The following RETREG1 variants were observed in gnomAD, a reference collection of about 807,000 sequenced individuals.
RETREG1 encodes the protein reticulophagy regulator 1.
RETREG1 carries 44 observed loss-of-function variants against 54.8 expected under a neutral mutation model. The ratio of observed to expected loss-of-function variants is 0.80; its 90% CI spans 0.63 to 1.03. The LOEUF is 1.03. Ranked by LOEUF, RETREG1 falls within the 50% of genes least tolerant of loss-of-function variation. The probability of loss-of-function intolerance (pLI) is 0.00; values close to 1 mark genes in which losing one functional copy is unlikely to be tolerated. For missense variants in RETREG1, 554 were observed against 605.1 expected (o/e 0.92, Z 0.89); for synonymous variants, 217 against 238.5 (o/e 0.91, Z 0.83).
chr5:16,522,069 A>T (rs766033868), intron 3 of RETREG1, among the ~76,000 whole-genome samples: 28 of 149,442 alleles, frequency 1.9e-4, no homozygotes, highest in Middle Eastern at 3.2e-3. Context: ...TCAGACACTG[A>T]AAGGACTTCT....
intron 1 of RETREG1, among the ~76,000 whole-genome samples, chr5:16,590,855 A>C (rs146338220): frequency 1.5e-5 from 2 of 136,978 alleles, no homozygotes; most frequent in African/African-American, 2.7e-5. Context: ...TGCACACACA[A>C]AAAACACACA....
intron 4 of RETREG1, 151 bp downstream of exon 4, chr5:16,483,195 T>G: frequency 2.3e-6 from 2 of 858,726 alleles, no homozygotes; most frequent in Non-Finnish European, 3.8e-6. Context: ...CTCACACATC[T>G]GAACCTTGCT....
chr5:16,552,014 A>G (rs1741557204), intron 3 of RETREG1, among the ~76,000 whole-genome samples: 1 of 151,954 alleles, frequency 6.6e-6, no homozygotes, highest in Non-Finnish European at 1.5e-5. Context: ...CCACCTGGAT[A>G]CTCCAGGATC....
intron 3 of RETREG1, among the ~76,000 whole-genome samples, chr5:16,524,738 G>A (rs573789172): frequency 6.6e-6 from 1 of 152,232 alleles, no homozygotes; most frequent in Non-Finnish European, 1.5e-5. Context: ...TTCCCAAGCA[G>A]TTAAAATCTA....
intron 1 of RETREG1, among the ~76,000 whole-genome samples, chr5:16,590,292 C>T (rs1742728966): frequency 6.6e-6 from 1 of 152,138 alleles, no homozygotes; most frequent in Admixed American, 6.5e-5. Context: ...CACCTTGACA[C>T]ACGACAGCAG....
At chr5:16,613,600 T>C (rs1371836778) in intron 1 of RETREG1, among the ~76,000 whole-genome samples, 1 of 152,238 alleles carries the variant, frequency 6.6e-6, no homozygotes, top group Non-Finnish European at 1.5e-5. Context: ...TTCAGACTCC[T>C]AAAACCCACT....
intron 8 of RETREG1, among the ~76,000 whole-genome samples, chr5:16,477,041 T>C (rs1221544672): frequency 6.6e-6 from 1 of 152,176 alleles, no homozygotes; most frequent in Non-Finnish European, 1.5e-5. Context: ...TAGGCCTAAA[T>C]GTGTAGGATT....
chr5:16,541,516 GTC>G (rs1215785308), intron 3 of RETREG1, among the ~76,000 whole-genome samples: 1 of 152,050 alleles, frequency 6.6e-6, no homozygotes, highest in Non-Finnish European at 1.5e-5. Flanking sequence ...GTGAAACCCT[GTC>G]TCTACTAAAA....
At chr5:16,567,774 C>G (rs1419319998) in intron 2 of RETREG1, among the ~76,000 whole-genome samples, 1 of 152,010 alleles carries the variant, frequency 6.6e-6, no homozygotes, top group East Asian at 1.9e-4. Flanking sequence ...CTGGGTAACA[C>G]AGCAAGACCC....
chr5:16,525,721 G>A (rs995929172), intron 3 of RETREG1, among the ~76,000 whole-genome samples: 1 of 151,778 alleles, frequency 6.6e-6, no homozygotes, highest in Non-Finnish European at 1.5e-5. Flanking sequence ...ATTAGTCAGG[G>A]TTCTTTGGGA....
At chr5:16,566,365 T>C (rs374285390) in intron 2 of RETREG1, among the ~76,000 whole-genome samples, 1 of 132,484 alleles carries the variant, frequency 7.5e-6, no homozygotes, top group African/African-American at 2.7e-5. Flanking sequence ...ATATAAAACA[T>C]AAAATACACA....
intron 3 of RETREG1, among the ~76,000 whole-genome samples, chr5:16,544,631 C>T (rs757270673): frequency 6.5e-4 from 99 of 152,186 alleles, no homozygotes; most frequent in Admixed American, 6.4e-3. Context: ...CATATTTTTG[C>T]ATACGGGTAT....
chr5:16,533,191 C>A (rs1045112737), intron 3 of RETREG1, among the ~76,000 whole-genome samples: 1 of 152,080 alleles, frequency 6.6e-6, no homozygotes, highest in African/African-American at 2.4e-5. Flanking sequence ...ACTACAGGCA[C>A]CCGCCACCAC....
At position 16,489,450 on chromosome 5, in the gene RETREG1, C is replaced by T. The variant is rs1188188627; in HGVS notation, c.459-5978G>A. Among the ~76,000 whole-genome samples, 7 of 152,288 alleles carry T rather than the reference C, an allele frequency of 4.6e-5. No homozygotes were observed. In the East Asian group the frequency reaches 1.4e-3, roughly 29 times the overall value. On this transcript the variant is annotated intron_variant, in intron 3 of 8. Coordinates refer to ENST00000306320, the MANE Select transcript of RETREG1 (RefSeq NM_001034850.3). Reference sequence around the variant, plus strand: ...TTCTGTAAGACTAAGAAATAGGACACTCTTGTGCTCTTTAAAAATAGATTG... The same window carrying T: ...TTCTGTAAGACTAAGAAATAGGACATTCTTGTGCTCTTTAAAAATAGATTG...
At chr5:16,603,208 C>G (rs1182735925) in intron 1 of RETREG1, among the ~76,000 whole-genome samples, 1 of 152,184 alleles carries the variant, frequency 6.6e-6, no homozygotes, top group Non-Finnish European at 1.5e-5. Flanking sequence ...GAGGGAGAGA[C>G]TGATCTTCAT....
chr5:16,490,672 T>C (rs971222655), intron 3 of RETREG1, among the ~76,000 whole-genome samples: 19 of 152,176 alleles, frequency 1.2e-4, no homozygotes, highest in Non-Finnish European at 2.2e-4. Context: ...CCCAGATACA[T>C]TAGCTATCTT....
chr5:16,493,306 C>T (rs1402685209), intron 3 of RETREG1, among the ~76,000 whole-genome samples: 2 of 152,176 alleles, frequency 1.3e-5, no homozygotes, highest in Non-Finnish European at 2.9e-5. Flanking sequence ...AAGTATAAGT[C>T]ATTTTTCAGC....
chr5:16,607,086 C>G (rs1347902152), intron 1 of RETREG1, among the ~76,000 whole-genome samples: 5 of 152,182 alleles, frequency 3.3e-5, no homozygotes, highest in Non-Finnish European at 7.3e-5. Flanking sequence ...ACTCAAGGTC[C>G]TTTCCTGAAA....
chr5:16,511,445 C>G (rs941076460), intron 3 of RETREG1, among the ~76,000 whole-genome samples: 1 of 152,270 alleles, frequency 6.6e-6, no homozygotes, highest in Middle Eastern at 3.4e-3. Flanking sequence ...ATGGATTAAA[C>G]GTATTTTCAA....
Sources: gnomAD v4.1 joint callset for allele counts (sites outside exome capture counted in the v4.1 genomes callset) on GRCh38, gnomAD v4.1.1 for gene constraint, MANE v1.5 for transcripts, NCBI Gene and HGNC (gene_info 2026-07-23, HGNC 2026-07-21) for gene names.